The following RIMBP2 variants were observed in gnomAD, a reference collection of about 807,000 sequenced individuals.
RIMBP2 encodes the protein RIMS binding protein 2, also known as RIMS-binding protein 2.
Under a neutral mutation model 118.6 loss-of-function variants are expected in RIMBP2, and 48 were observed. The ratio of observed to expected loss-of-function variants is 0.40; its 90% CI spans 0.32 to 0.51. The LOEUF (loss-of-function observed/expected upper bound fraction) is 0.51, where lower values mean the gene tolerates loss of function less well. Among genes scored for constraint, RIMBP2 ranks in the 20% least tolerant of loss-of-function variants. RIMBP2 has a pLI of 0.41. For missense variants in RIMBP2, 1,551 were observed against 1,768.3 expected (o/e 0.88, Z 2.20); for synonymous variants, 762 against 742.9 (o/e 1.03, Z -0.42).
intron 1 of RIMBP2, among the ~76,000 whole-genome samples, chr12:130,657,088 G>A (rs142557244): frequency 9.5e-4 from 144 of 152,290 alleles, no homozygotes; most frequent in African/African-American, 3.3e-3. Flanking sequence ...TCTAGAGATA[G>A]GGTCTTGCTA....
At chr12:130,536,580 T>C (rs2054104705) in intron 2 of RIMBP2, among the ~76,000 whole-genome samples, 1 of 152,226 alleles carries the variant, frequency 6.6e-6, no homozygotes, top group Non-Finnish European at 1.5e-5. Context: ...GGCCGACTTC[T>C]GCAATAATCT....
chr12:130,444,098 G>A (rs1343885244), intron 10 of RIMBP2, among the ~76,000 whole-genome samples: 1 of 152,206 alleles, frequency 6.6e-6, no homozygotes, highest in African/African-American at 2.4e-5. Flanking sequence ...AAGTTCCAGA[G>A]ATTTCAACAC....
intron 2 of RIMBP2, among the ~76,000 whole-genome samples, chr12:130,598,726 TA>T (rs137872494): frequency 0.069 from 9,715 of 140,198 alleles, 321 homozygotes; most frequent in Non-Finnish European, 0.08. Context: ...AGACTCCATT[TA>T]AAAAAAAAAA....
At chr12:130,653,849 GT>G (rs1267759325) in intron 1 of RIMBP2, among the ~76,000 whole-genome samples, 4 of 152,348 alleles carry the variant, frequency 2.6e-5, no homozygotes, top group African/African-American at 9.6e-5. Context: ...TACACCCAGG[GT>G]CCTTTGAGCT....
In RIMBP2 at chr12:130,447,425, C is replaced by T. The variant is rs1238970829; in HGVS notation, c.582-2156G>A. On this transcript the variant is annotated intron_variant, in intron 9 of 22. Coordinates refer to ENST00000690449, the MANE Select transcript of RIMBP2 (RefSeq NM_001393629.1). The surrounding 1 kb of genome is among the most constrained non-coding windows in gnomAD (Gnocchi z 4.4). Reference sequence around the variant, plus strand: ...GTGTGGATGAGACCAGGGGACACGTCGGGAATGGGGACTCAACAGAGACAG... The same window carrying T: ...GTGTGGATGAGACCAGGGGACACGTTGGGAATGGGGACTCAACAGAGACAG... 3.9e-5 allele frequency among the ~76,000 whole-genome samples: 6 copies of T among 152,020 alleles called. No homozygotes were observed. The highest frequency in any genetic ancestry group is 1.3e-4 in the Admixed American group (2 of 15,254).
Position 130,422,624 on chromosome 12 carries a change from TA to T in RIMBP2, c.3130-64del. On this transcript the variant is annotated intron_variant, in intron 16 of 22. Transcript: ENST00000690449. This position sits in a 1 kb window ranked among gnomAD's most constrained non-coding sequence, Gnocchi z 5.2. ...AGCATTGGGAACTGAAGAATTCAGT[TA>T]GCCAAATCAAGCGGGTTGAAAAGCA... 8.3e-7 allele frequency: 1 copy of T among 1,209,984 alleles called. No individual in the cohort carries two copies. Among genetic ancestry groups the T allele is most frequent in the Non-Finnish European group, 1.2e-6 (1 of 843,014 alleles). The allele number at this position is 1,209,984 out of a possible 1,614,324, so 75.0% of individuals were successfully genotyped here. A position where few individuals can be genotyped will look rare whatever the true frequency, so the allele number is the denominator to read the frequency against.
chr12:130,458,853 T>C (rs1292360686), intron 6 of RIMBP2, among the ~76,000 whole-genome samples: 2 of 152,000 alleles, frequency 1.3e-5, no homozygotes, highest in Admixed American at 6.6e-5. Context: ...GAGACCAGCC[T>C]GGCCAACATG....
At chr12:130,687,316 G>A (rs1225138879) in intron 1 of RIMBP2, among the ~76,000 whole-genome samples, 3 of 152,190 alleles carry the variant, frequency 2.0e-5, no homozygotes, top group Non-Finnish European at 4.4e-5. Flanking sequence ...ATGTTTAAGA[G>A]ATCAGTGGCC....
intron 4 of RIMBP2, among the ~76,000 whole-genome samples, chr12:130,502,303 C>T (rs752600968): frequency 6.6e-6 from 1 of 152,146 alleles, no homozygotes; most frequent in African/African-American, 2.4e-5. Context: ...GGCTTCGGGA[C>T]GGTTTGTTAT....
intron 2 of RIMBP2, among the ~76,000 whole-genome samples, chr12:130,570,540 A>C (rs1234079412): frequency 6.6e-6 from 1 of 152,224 alleles, no homozygotes; most frequent in Non-Finnish European, 1.5e-5. Context: ...AAACAGGAGC[A>C]ACAGAAGGTG....
intron 3 of RIMBP2, among the ~76,000 whole-genome samples, chr12:130,508,745 G>A (rs2050609110): frequency 6.6e-6 from 1 of 152,178 alleles, no homozygotes; most frequent in Non-Finnish European, 1.5e-5. Flanking sequence ...GTTTTCTTCT[G>A]CCTTGCAATT....
At chr12:130,654,789 C>T (rs2063356103) in intron 1 of RIMBP2, among the ~76,000 whole-genome samples, 1 of 152,220 alleles carries the variant, frequency 6.6e-6, no homozygotes, top group African/African-American at 2.4e-5. Flanking sequence ...GGCATCTGCT[C>T]AGCTTCTAGT....
Position 130,596,200 on chromosome 12 carries a change from T to C in RIMBP2, c.-217+32122A>G, listed in dbSNP as rs567060425. Among the ~76,000 whole-genome samples, 21 of 152,206 alleles carry C rather than the reference T, an allele frequency of 1.4e-4. No homozygotes were observed. In the South Asian group the frequency reaches 3.1e-3, roughly 23 times the overall value. ...AAACTCACAACTGTCTGGAAGCAGG[T>C]AGGCAGGAAGGCAGAAAACAGACAC... On this transcript the variant is annotated intron_variant, in intron 2 of 22. Transcript: ENST00000690449.
chr12:130,407,811 C>T lies in RIMBP2; in HGVS notation c.3608G>A (p.Gly1203Asp), dbSNP rs1239145307. 6.2e-7 allele frequency: 1 copy of T among 1,613,942 alleles called. No individual in the cohort carries two copies. Among genetic ancestry groups the T allele is most frequent in the South Asian group, 1.1e-5 (1 of 91,060 alleles). ...CCGCGTCGATACCGAATGACGCCTG[C>T]CACTTCTCCTGCTTCTCTCTGTTCA... ...VEKIERSRRS[G>D]RRHSVSTRRM... The change falls in exon 20 of 23, where the codon GGC becomes GAC. Residue 1203 changes from glycine to aspartate, a missense_variant. Physicochemically the swap from Gly to Asp is moderately conservative, Grantham distance 94. This residue lies in a region of RIMBP2 where 1,038 missense variants were observed against 1,125.1 expected (regional missense o/e 0.92). Coordinates refer to ENST00000690449, the MANE Select transcript of RIMBP2 (RefSeq NM_001393629.1).
At chr12:130,699,922 A>G (rs1193280725) in intron 1 of RIMBP2, among the ~76,000 whole-genome samples, 4 of 150,966 alleles carry the variant, frequency 2.6e-5, no homozygotes, top group East Asian at 1.9e-4. Flanking sequence ...AAAAAAAAAA[A>G]AAAAAAAGAA....
chr12:130,697,171 G>T (rs529824305), intron 1 of RIMBP2, among the ~76,000 whole-genome samples: 3 of 152,180 alleles, frequency 2.0e-5, no homozygotes, highest in African/African-American at 7.2e-5. Flanking sequence ...ACACAATACC[G>T]GACGAAAGCC....
At position 130,450,247 on chromosome 12, in the gene RIMBP2, G is replaced by A; in HGVS notation, c.534C>T (p.Ser178=). Residue 178 remains serine, a synonymous_variant, in exon 9 of 23, where the codon TCC becomes TCT. Transcript: ENST00000690449. This position sits in a 1 kb window ranked among gnomAD's most constrained non-coding sequence, Gnocchi z 4.8. The part of the protein sequence containing the change: ...DMENERNSNT[S]KQRYSGKVHL... The stretch of plus-strand genomic sequence containing the variant: ...GGACCTTCCCCGAGTATCTCTGCTT[G>A]GAGGTATTGGAATTCCGTTCATTCT... The A allele has an allele frequency of 1.2e-6, 2 of 1,609,776 alleles. No individual in the cohort carries two copies. The highest frequency in any genetic ancestry group is 1.7e-6 in the Non-Finnish European group (2 of 1,177,702).
In RIMBP2 at chr12:130,688,363, G is replaced by GGAACACTCTA. The variant is rs557732020; in HGVS notation, c.-352+27849_-352+27858dup. 7.2e-5 allele frequency among the ~76,000 whole-genome samples: 11 copies of GGAACACTCTA among 152,296 alleles called. No individual in the cohort carries two copies. The highest frequency in any genetic ancestry group is 3.4e-3 in the Middle Eastern group (1 of 294). On this transcript the variant is annotated intron_variant, in intron 1 of 22. Transcript: ENST00000690449. This position sits in a 1 kb window ranked among gnomAD's most constrained non-coding sequence, Gnocchi z 4.7. ...TTGCTCCCGGTCTCAGGGAGCCACAGGAACACTCTAGAACACTCTGGAACA... is the reference window on the plus strand; with the variant it reads ...TTGCTCCCGGTCTCAGGGAGCCACAGGAACACTCTAGAACACTCTAGAACACTCTGGAACA...
rs571358837 is a variant in RIMBP2, at chr12:130,447,636, T to C, written c.582-2367A>G. Among the ~76,000 whole-genome samples, 1 of 152,148 alleles carries C rather than the reference T, an allele frequency of 6.6e-6. No homozygotes were observed. The highest frequency in any genetic ancestry group is 1.5e-5 in the Non-Finnish European group (1 of 68,020). ...GCATCTGTGAGCACAGCAGTGGCCCTGGGCGGCACACTGCAAGTGGGTGAA... is the reference window on the plus strand; with the variant it reads ...GCATCTGTGAGCACAGCAGTGGCCCCGGGCGGCACACTGCAAGTGGGTGAA... On this transcript the variant is annotated intron_variant, in intron 9 of 22. Coordinates refer to ENST00000690449, the MANE Select transcript of RIMBP2 (RefSeq NM_001393629.1). The surrounding 1 kb of genome is among the most constrained non-coding windows in gnomAD (Gnocchi z 4.4).
Sources: allele counts gnomAD v4.1 joint callset (sites outside exome capture counted in the v4.1 genomes callset), GRCh38; gene constraint gnomAD v4.1.1; regional missense constraint gnomAD v4.1.1; non-coding constraint Gnocchi (gnomAD v3.1); transcripts MANE v1.5; gene names NCBI Gene and HGNC (gene_info 2026-07-23, HGNC 2026-07-21).